The following TRERF1 variants were observed in gnomAD, a reference collection of about 807,000 sequenced individuals.
The protein encoded by TRERF1 is transcriptional regulating factor 1.
TRERF1 carries 27 observed loss-of-function variants against 122.9 expected under a neutral mutation model. The observed-to-expected ratio is 0.22, with a 90% CI of 0.16 to 0.30. The LOEUF (loss-of-function observed/expected upper bound fraction) is 0.30. Ranked by LOEUF, TRERF1 falls within the 10% of genes least tolerant of loss-of-function variation. The pLI, the probability that TRERF1 is intolerant of heterozygous loss-of-function variation, is 1.00. For synonymous variants in TRERF1, 636 were observed against 641.7 expected, an observed-to-expected ratio of 0.99 and a Z score of 0.13; for missense variants, 1,248 against 1,560.3, an observed-to-expected ratio of 0.80 and a Z score of 3.37.
chr6:42,329,690 G>A (rs963518740), intron 3 of TRERF1, among the ~76,000 whole-genome samples: 11 of 152,054 alleles, frequency 7.2e-5, no homozygotes, highest in African/African-American at 2.2e-4. Flanking sequence ...ACATTTTACC[G>A]TTGAAAATGT....
intron 3 of TRERF1, among the ~76,000 whole-genome samples, chr6:42,303,527 T>C (rs146428740): frequency 2.1e-3 from 326 of 152,296 alleles, no homozygotes; most frequent in African/African-American, 7.5e-3. Flanking sequence ...TGGCATACTC[T>C]AATTAGGAGA....
chr6:42,262,301 C>G (rs942144922), intron 8 of TRERF1, among the ~76,000 whole-genome samples: 2 of 152,030 alleles, frequency 1.3e-5, no homozygotes, highest in South Asian at 2.1e-4. Flanking sequence ...TACCCTGGCC[C>G]AGCCTACCCT....
chr6:42,356,953 T>C (rs76318416), intron 3 of TRERF1, among the ~76,000 whole-genome samples: 5,706 of 152,260 alleles, frequency 0.037, 287 homozygotes, highest in East Asian at 0.24. Context: ...GTTGTGGTAA[T>C]GTCTGTCAAA....
chr6:42,429,429 A>G (rs780850940), intron 2 of TRERF1, among the ~76,000 whole-genome samples: 1 of 152,158 alleles, frequency 6.6e-6, no homozygotes, highest in Non-Finnish European at 1.5e-5. Flanking sequence ...AGGGGGGGAA[A>G]TGGAAGGAAG....
chr6:42,262,488 A>G, intron 8 of TRERF1, among the ~76,000 whole-genome samples: 1 of 8,840 alleles, frequency 1.1e-4, no homozygotes, highest in African/African-American at 4.6e-4. Context: ...AGAGAGAGAG[A>G]GAGAGAGAGA....
chr6:42,397,399 G>GATTAATATTGATTAAT (rs1778780152), intron 2 of TRERF1, among the ~76,000 whole-genome samples: 1 of 152,144 alleles, frequency 6.6e-6, no homozygotes. Context: ...TTATATCACT[G>GATTAATATTGATTAAT]ATTAATATTG....
intron 2 of TRERF1, among the ~76,000 whole-genome samples, chr6:42,430,356 C>A (rs1319792846): frequency 1.3e-5 from 2 of 152,114 alleles, no homozygotes; most frequent in African/African-American, 2.4e-5. Flanking sequence ...CACCTACTGC[C>A]CCCCAAAATC....
chr6:42,407,076 G>C (rs921806320), intron 2 of TRERF1, among the ~76,000 whole-genome samples: 1 of 152,168 alleles, frequency 6.6e-6, no homozygotes, highest in Admixed American at 6.5e-5. Flanking sequence ...CTCAACACTA[G>C]AATTCATTAG....
At chr6:42,379,842 G>C (rs1775603095) in intron 2 of TRERF1, among the ~76,000 whole-genome samples, 1 of 152,208 alleles carries the variant, frequency 6.6e-6, no homozygotes, top group African/African-American at 2.4e-5. Flanking sequence ...CGCCCAGCCT[G>C]TGCCAGGCAT....
At chr6:42,252,836 C>G (rs1349427920) in intron 13 of TRERF1, among the ~76,000 whole-genome samples, 2 of 152,208 alleles carry the variant, frequency 1.3e-5, no homozygotes, top group African/African-American at 2.4e-5. Flanking sequence ...CTCTGAGTCC[C>G]AGTCTATCAT....
rs147720023 is a variant in TRERF1, at chr6:42,245,153, A to G, written c.2745+1303T>C. Among the ~76,000 whole-genome samples the G allele has an allele frequency of 9.8e-3, 1,498 of 152,342 alleles. 14 individuals are homozygous for G. Among genetic ancestry groups the G allele is most frequent in the Middle Eastern group, 0.014 (4 of 294 alleles). ...AAGCTCAATACACGAATCCATCATC[A>G]GTCGCAAGTGTGGGGCCTAAAGGAT... On this transcript the variant is annotated intron_variant, in intron 14 of 17. Transcript: ENST00000372922.
intron 3 of TRERF1, among the ~76,000 whole-genome samples, chr6:42,325,826 G>A (rs574350441): frequency 1.3e-5 from 2 of 152,320 alleles, no homozygotes; most frequent in South Asian, 4.1e-4. Context: ...TGTGAGCTGT[G>A]ATAGCACCAC....
intron 3 of TRERF1, among the ~76,000 whole-genome samples, chr6:42,362,355 C>G (rs973206450): frequency 1.3e-5 from 2 of 152,252 alleles, no homozygotes; most frequent in Admixed American, 1.3e-4. Flanking sequence ...GATACCACCC[C>G]CCTTCCCCAC....
intron 3 of TRERF1, among the ~76,000 whole-genome samples, chr6:42,336,386 G>A (rs939383136): frequency 9.2e-5 from 14 of 152,040 alleles, no homozygotes; most frequent in Admixed American, 5.9e-4. Context: ...AGGTTCCCTG[G>A]AGGAGCTCCT....
chr6:42,379,128 A>T (rs7766607), intron 2 of TRERF1, among the ~76,000 whole-genome samples: 1,879 of 123,308 alleles, frequency 0.015, 42 homozygotes, highest in East Asian at 0.12. Context: ...TCAAAAAAAA[A>T]TTTTTTTAAT....
At chr6:42,283,393 T>C (rs1267698815) in intron 4 of TRERF1, among the ~76,000 whole-genome samples, 1 of 152,186 alleles carries the variant, frequency 6.6e-6, no homozygotes, top group Admixed American at 6.6e-5. Flanking sequence ...GGGTCAACTA[T>C]GTATTTATAA....
chr6:42,283,862 C>T (rs577862069), intron 4 of TRERF1, among the ~76,000 whole-genome samples: 6 of 152,102 alleles, frequency 3.9e-5, no homozygotes, highest in Non-Finnish European at 5.9e-5. Flanking sequence ...GCAATCTGCC[C>T]GCCTCGACCT....
intron 2 of TRERF1, among the ~76,000 whole-genome samples, chr6:42,438,217 C>T (rs541551594): frequency 5.9e-5 from 9 of 151,726 alleles, no homozygotes; most frequent in Admixed American, 2.6e-4. Context: ...CCACCGTGAG[C>T]GGCTTGCAGC....
rs749437632 is a variant in TRERF1, at chr6:42,268,921, C to G, written c.670G>C (p.Gly224Arg). 2 of 1,612,498 alleles carry G rather than the reference C, an allele frequency of 1.2e-6. No homozygotes were observed. The highest frequency in any genetic ancestry group is 3.3e-5 in the Admixed American group (2 of 59,966). Residue 224 changes from glycine (G) to arginine (R), a missense_variant, in exon 5 of 18, where the codon GGG becomes CGG. Transcript: ENST00000372922. This position sits in a 1 kb window ranked among gnomAD's most constrained non-coding sequence, Gnocchi z 4.4. ...AGGTGCCCTTGGGTAGGGTGCTGCCCGACCTGAAGAGCTGGTTTGGACAGC... is the reference window on the plus strand; with the variant it reads ...AGGTGCCCTTGGGTAGGGTGCTGCCGGACCTGAAGAGCTGGTTTGGACAGC...
Sources: gnomAD v4.1 joint callset for allele counts (sites outside exome capture counted in the v4.1 genomes callset) on GRCh38, gnomAD v4.1.1 for gene constraint, Gnocchi (gnomAD v3.1) non-coding constraint, MANE v1.5 for transcripts, NCBI Gene and HGNC (gene_info 2026-07-23, HGNC 2026-07-21) for gene names.